ARHGEF10: variants seen among roughly 807,000 people sequenced by gnomAD.
ARHGEF10 encodes Rho guanine nucleotide exchange factor (GEF) 10.
In ARHGEF10, 140 loss-of-function variants were observed where a neutral mutation model predicts 147.4. The ratio of observed to expected loss-of-function variants is 0.95; its 90% CI spans 0.83 to 1.09. The LOEUF (loss-of-function observed/expected upper bound fraction) is 1.09. Among genes scored for constraint, ARHGEF10 ranks in the 50% least tolerant of loss-of-function variants. ARHGEF10 has a pLI of 0.00. For synonymous variants in ARHGEF10, 902 were observed against 695.8 expected (o/e 1.30, Z -4.67); for missense variants, 2,222 against 1,752.7 (o/e 1.27, Z -4.78).
At chr8:1,905,504 T>C in intron 16 of ARHGEF10, 67 bp from the exon 17 acceptor site, 19 of 1,603,632 alleles carry the variant, frequency 1.2e-5, no homozygotes, top group Non-Finnish European at 1.5e-5. Context: ...ATACCAGACT[T>C]CTCCTCATCT....
chr8:1,939,693 G>C (rs1813922077), intron 26 of ARHGEF10, among the ~76,000 whole-genome samples: 1 of 152,248 alleles, frequency 6.6e-6, no homozygotes. Flanking sequence ...CTCAGAGAGG[G>C]AGAGATGCAT....
intron 27 of ARHGEF10, among the ~76,000 whole-genome samples, chr8:1,947,067 G>A (rs969175936): frequency 6.6e-6 from 1 of 152,260 alleles, no homozygotes; most frequent in East Asian, 1.9e-4. Context: ...TGTGGACCTT[G>A]TGTTTTCTTT....
chr8:1,874,132 A>G (rs1335340344), intron 7 of ARHGEF10, among the ~76,000 whole-genome samples: 1 of 152,258 alleles, frequency 6.6e-6, no homozygotes, highest in Admixed American at 6.5e-5. Flanking sequence ...CAGCCCAGGC[A>G]TTCAAGAGGA....
At chr8:1,871,477 A>C in intron 7 of ARHGEF10, among the ~76,000 whole-genome samples, 1 of 152,220 alleles carries the variant, frequency 6.6e-6, no homozygotes, top group East Asian at 1.9e-4. Context: ...TACATAAACT[A>C]TATGGGATAG....
intron 15 of ARHGEF10, among the ~76,000 whole-genome samples, chr8:1,900,926 G>C (rs981714810): frequency 6.6e-6 from 1 of 152,092 alleles, no homozygotes; most frequent in Non-Finnish European, 1.5e-5. Flanking sequence ...TCTTTGCCTT[G>C]ATCTGACAAA....
At chr8:1,833,119 G>GGCAGAGACAGAAGC (rs1563149715) in intron 1 of ARHGEF10, among the ~76,000 whole-genome samples, 19 of 127,202 alleles carry the variant, frequency 1.5e-4, no homozygotes, top group Non-Finnish European at 2.6e-4. Flanking sequence ...CAGAGGCAGA[G>GGCAGAGACAGAAGC]AGAGACAGAG....
chr8:1,837,750 C>T (rs538268429), intron 1 of ARHGEF10, among the ~76,000 whole-genome samples: 1 of 152,156 alleles, frequency 6.6e-6, no homozygotes, highest in African/African-American at 2.4e-5. Context: ...GGGGAGGGCG[C>T]TGATTTTCTC....
Position 1,928,771 on chromosome 8 carries a change from G to A in ARHGEF10, c.2921+121G>A, listed in dbSNP as rs911011818. 30 of 1,055,590 alleles carry A rather than the reference G, an allele frequency of 2.8e-5. No individual in the cohort carries two copies. In the African/African-American group the frequency reaches 3.5e-4, roughly 12 times the overall value. The allele number at this position is 1,055,590 out of a possible 1,614,324, so 65.4% of individuals were successfully genotyped here. ...TCAGGAGTAGCCCGTGCAGGAATTA[G>A]GGGATACCAGGGGAAATTTTTAGGG... On this transcript the variant is annotated intron_variant, in intron 24 of 28. Transcript: ENST00000349830.
At chr8:1,920,787 T>TG (rs1301368333) in intron 18 of ARHGEF10, among the ~76,000 whole-genome samples, 1 of 152,006 alleles carries the variant, frequency 6.6e-6, no homozygotes, top group Non-Finnish European at 1.5e-5. Flanking sequence ...TTTCGTTTTT[T>TG]TTTGTTTGTT....
intron 27 of ARHGEF10, among the ~76,000 whole-genome samples, chr8:1,949,356 G>A (rs1814843257): frequency 6.6e-6 from 1 of 152,170 alleles, no homozygotes; most frequent in Non-Finnish European, 1.5e-5. Context: ...ATTCAACACA[G>A]ACTAACAGTT....
chr8:1,830,675 G>A (rs189524665), intron 1 of ARHGEF10, among the ~76,000 whole-genome samples: 8 of 152,324 alleles, frequency 5.3e-5, no homozygotes, highest in Admixed American at 5.2e-4. Context: ...TGCCCTGGGG[G>A]GCTGGCACCC....
At position 1,836,478 on chromosome 8, in the gene ARHGEF10, G is replaced by C. The variant is rs546180337; in HGVS notation, c.-47-6875G>C. ...TCACCTGTGGGGAGTTGCCAGCCAC[G>C]TGGGCTGACGCCGGTGGAAGACTGC... On this transcript the variant is annotated intron_variant, in intron 1 of 28. Transcript: ENST00000349830. Among the ~76,000 whole-genome samples, 14 of 152,282 alleles carry C rather than the reference G, an allele frequency of 9.2e-5. No homozygotes were observed. In the East Asian group the frequency reaches 2.7e-3, roughly 29 times the overall value.
chr8:1,913,437 C>A (rs1426287046), intron 18 of ARHGEF10, among the ~76,000 whole-genome samples: 1 of 152,232 alleles, frequency 6.6e-6, no homozygotes, highest in Non-Finnish European at 1.5e-5. Context: ...AAATATTCAT[C>A]ATTTACTTTT....
At chr8:1,909,876 T>C (rs765679053) in intron 18 of ARHGEF10, among the ~76,000 whole-genome samples, 1 of 152,182 alleles carries the variant, frequency 6.6e-6, no homozygotes, top group Non-Finnish European at 1.5e-5. Context: ...GGCTCTTTGC[T>C]CACCTGCTCA....
At chr8:1,853,499 G>C (rs1404596846) in intron 2 of ARHGEF10, among the ~76,000 whole-genome samples, 3 of 152,246 alleles carry the variant, frequency 2.0e-5, no homozygotes, top group Non-Finnish European at 4.4e-5. Flanking sequence ...GCAAATTGTA[G>C]TTTTTCTCAT....
intron 12 of ARHGEF10, among the ~76,000 whole-genome samples, chr8:1,894,131 GC>G (rs1809772013): frequency 6.7e-6 from 1 of 149,278 alleles, no homozygotes; most frequent in African/African-American, 2.5e-5. Context: ...CTGAGATCAT[GC>G]CATTGCACTC....
chr8:1,900,069 A>G (rs1360691068), intron 15 of ARHGEF10, among the ~76,000 whole-genome samples: 2 of 152,236 alleles, frequency 1.3e-5, no homozygotes, highest in Non-Finnish European at 2.9e-5. Context: ...GCTTTCTATG[A>G]TTTATCAGAA....
chr8:1,929,552 G>C (rs1812951657), intron 25 of ARHGEF10, 109 bp downstream of exon 25: 2 of 1,340,194 alleles, frequency 1.5e-6, no homozygotes, highest in Non-Finnish European at 2.0e-6. Context: ...TCCCGCCCCT[G>C]TGCCTCCGCC....
At chr8:1,874,640 A>G (rs1209162907) in intron 7 of ARHGEF10, among the ~76,000 whole-genome samples, 8 of 151,580 alleles carry the variant, frequency 5.3e-5, no homozygotes, top group African/African-American at 1.5e-4. Flanking sequence ...AGGCTGGAGG[A>G]ACAGTGCAGA....
Sources: allele counts gnomAD v4.1 joint callset (sites outside exome capture counted in the v4.1 genomes callset), GRCh38; gene constraint gnomAD v4.1.1; transcripts MANE v1.5; gene names NCBI Gene and HGNC (gene_info 2026-07-23, HGNC 2026-07-21).